Variants in ITGBL1 observed in about 807,000 individuals in gnomAD.
ITGBL1 encodes the protein integrin subunit beta like 1, also known as integrin beta-like protein 1.
Under a neutral mutation model 68.5 loss-of-function variants are expected in ITGBL1, and 51 were observed. That is an observed-to-expected ratio of 0.74 (90% CI 0.59 to 0.94). ITGBL1 has a LOEUF of 0.94. Ranked by LOEUF, ITGBL1 falls within the 40% of genes least tolerant of loss-of-function variation. The pLI is 0.00. For synonymous variants in ITGBL1, 209 were observed against 227.3 expected, an observed-to-expected ratio of 0.92 and a Z score of 0.72; for missense variants, 649 against 647.4, an observed-to-expected ratio of 1.00 and a Z score of -0.03.
intron 7 of ITGBL1, among the ~76,000 whole-genome samples, chr13:101,658,458 T>C (rs1031898505): frequency 2.0e-5 from 3 of 152,156 alleles, no homozygotes; most frequent in Non-Finnish European, 4.4e-5. Flanking sequence ...AAAGTGATCG[T>C]GTATTGCTTT....
intron 2 of ITGBL1, among the ~76,000 whole-genome samples, chr13:101,472,532 A>T (rs557630799): frequency 2.1e-4 from 32 of 152,308 alleles, no homozygotes; most frequent in African/African-American, 7.5e-4. Flanking sequence ...CAGTCAACAT[A>T]TTATTATTCA....
intron 6 of ITGBL1, among the ~76,000 whole-genome samples, chr13:101,597,619 T>C (rs9300684): frequency 0.67 from 101,174 of 151,604 alleles, 34,084 homozygotes; most frequent in East Asian, 0.85. Flanking sequence ...TGGCATGAAC[T>C]TGGCTTGCTG....
At chr13:101,529,387 A>G (rs2049434728) in intron 2 of ITGBL1, among the ~76,000 whole-genome samples, 2 of 152,232 alleles carry the variant, frequency 1.3e-5, no homozygotes, top group Non-Finnish European at 2.9e-5. Context: ...CAAATGCCAC[A>G]TTGACCAGAA....
chr13:101,470,391 G>A (rs904147890), intron 2 of ITGBL1, among the ~76,000 whole-genome samples: 3 of 151,362 alleles, frequency 2.0e-5, no homozygotes, highest in East Asian at 1.9e-4. Flanking sequence ...GTGCAGTGGC[G>A]CGATCTCGGC....
At chr13:101,492,816 A>T (rs754161735) in intron 2 of ITGBL1, among the ~76,000 whole-genome samples, 4 of 152,116 alleles carry the variant, frequency 2.6e-5, no homozygotes, top group Non-Finnish European at 5.9e-5. Context: ...CTCACTGTAC[A>T]ATCCTCTTTT....
At chr13:101,544,283 C>G (rs1257417468) in intron 2 of ITGBL1, among the ~76,000 whole-genome samples, 1 of 152,208 alleles carries the variant, frequency 6.6e-6, no homozygotes, top group Admixed American at 6.5e-5. Context: ...TCAGGACCCT[C>G]AGCTGCAGGT....
intron 2 of ITGBL1, among the ~76,000 whole-genome samples, chr13:101,525,648 T>C (rs1028496800): frequency 1.5e-4 from 23 of 152,008 alleles, no homozygotes; most frequent in African/African-American, 5.3e-4. Flanking sequence ...ATTACTCCCA[T>C]AGAAAGAACA....
intron 10 of ITGBL1, 93 bp from the exon 11 acceptor site, chr13:101,715,470 G>T (rs976596080): frequency 3.5e-6 from 3 of 867,214 alleles, no homozygotes; most frequent in South Asian, 1.4e-5. Context: ...TGAATGAAAT[G>T]ATTTCATTGT....
intron 7 of ITGBL1, among the ~76,000 whole-genome samples, chr13:101,614,606 G>A (rs749849329): frequency 3.9e-5 from 6 of 152,092 alleles, no homozygotes; most frequent in South Asian, 2.1e-4. Context: ...TGCTTGGTCC[G>A]CTGCTAAGCT....
chr13:101,605,702 T>A (rs1226361182), intron 7 of ITGBL1, among the ~76,000 whole-genome samples: 2 of 151,408 alleles, frequency 1.3e-5, no homozygotes, highest in African/African-American at 2.4e-5. Flanking sequence ...GTATGTAGAC[T>A]TATGTATGTG....
intron 2 of ITGBL1, among the ~76,000 whole-genome samples, chr13:101,526,155 C>CTTCTTCTTCTT (rs368448615): frequency 1.5e-5 from 2 of 136,550 alleles, no homozygotes; most frequent in Non-Finnish European, 3.1e-5. Flanking sequence ...TCTTCTTCTT[C>CTTCTTCTTCTT]TTTTTTTTTT....
At chr13:101,579,513 A>G (rs1457236828) in intron 5 of ITGBL1, 86 bp downstream of exon 5, 1 of 1,353,466 alleles carries the variant, frequency 7.4e-7, no homozygotes, top group African/African-American at 1.4e-5. Context: ...TATTTCCTCT[A>G]GTGTGGGAGG....
intron 7 of ITGBL1, among the ~76,000 whole-genome samples, chr13:101,655,390 A>G (rs1486142163): frequency 1.1e-4 from 8 of 75,008 alleles, no homozygotes; most frequent in Non-Finnish European, 2.9e-5. Flanking sequence ...AGAAAAATTT[A>G]GTCAAATTTA....
In ITGBL1 at chr13:101,706,854, A is replaced by T; in HGVS notation, c.1231A>T (p.Ser411Cys). The change falls in exon 9 of 11, where the codon AGC (serine) becomes TGC (cysteine). Residue 411 changes from serine (S) to cysteine (C), a missense_variant. Physicochemically the swap from Ser to Cys is moderately radical, Grantham distance 112 (BLOSUM62 -1). Coordinates refer to ENST00000376180, the MANE Select transcript of ITGBL1 (RefSeq NM_004791.3). ...GAAGTGTAACATGACGGAAGAACAAAGCAAGAATCTGTGTGAATCAGCAGA... is the reference window on the plus strand; with the variant it reads ...GAAGTGTAACATGACGGAAGAACAATGCAAGAATCTGTGTGAATCAGCAGA... ...PRKCNMTEEQ[S>C]KNLCESADGI... is the part of the protein sequence containing the mutation. The T allele has an allele frequency of 6.2e-7, 1 of 1,614,204 alleles. No individual in the cohort carries two copies. Among genetic ancestry groups the T allele is most frequent in the Admixed American group, 1.7e-5 (1 of 60,030 alleles).
At chr13:101,470,287 G>A (rs1230372244) in intron 2 of ITGBL1, among the ~76,000 whole-genome samples, 1 of 152,016 alleles carries the variant, frequency 6.6e-6, no homozygotes, top group Non-Finnish European at 1.5e-5. Context: ...GTGCTTGAAA[G>A]ATAGTATAAT....
intron 3 of ITGBL1, among the ~76,000 whole-genome samples, chr13:101,571,090 T>A (rs1245355428): frequency 6.6e-6 from 1 of 152,140 alleles, no homozygotes; most frequent in Non-Finnish European, 1.5e-5. Flanking sequence ...TGCATCTAAT[T>A]CCAGTCCAAC....
intron 2 of ITGBL1, among the ~76,000 whole-genome samples, chr13:101,524,861 C>G (rs2049347790): frequency 6.6e-6 from 1 of 152,058 alleles, no homozygotes; most frequent in Admixed American, 6.6e-5. Flanking sequence ...TCTGTTTCTC[C>G]TACTGTAGTA....
intron 6 of ITGBL1, among the ~76,000 whole-genome samples, chr13:101,595,285 C>T (rs186437947): frequency 3.3e-5 from 5 of 151,682 alleles, no homozygotes; most frequent in Non-Finnish European, 4.4e-5. Flanking sequence ...TGGGAGGAGG[C>T]GCCACACTCT....
chr13:101,694,366 A>G (rs958329094), intron 8 of ITGBL1, among the ~76,000 whole-genome samples: 1 of 152,150 alleles, frequency 6.6e-6, no homozygotes, highest in Non-Finnish European at 1.5e-5. Flanking sequence ...TGGCCCCTTG[A>G]AAGTGCCATC....
Sources: allele counts gnomAD v4.1 joint callset (sites outside exome capture counted in the v4.1 genomes callset), GRCh38; gene constraint gnomAD v4.1.1; transcripts MANE v1.5; gene names NCBI Gene and HGNC (gene_info 2026-07-23, HGNC 2026-07-21).